Variants in TTC8 observed in about 807,000 individuals in gnomAD.
The protein encoded by TTC8 is tetratricopeptide repeat domain 8.
In TTC8, 47 loss-of-function variants were observed where a neutral mutation model predicts 72.5. That is an observed-to-expected ratio of 0.65 (90% CI 0.51 to 0.83). The LOEUF is 0.83. Ranked by LOEUF, TTC8 falls within the 40% of genes least tolerant of loss-of-function variation. The pLI is 0.00. For missense variants in TTC8, 611 were observed against 623.2 expected, an observed-to-expected ratio of 0.98 and a Z score of 0.21; for synonymous variants, 199 against 221.4, an observed-to-expected ratio of 0.90 and a Z score of 0.90.
intron 1 of TTC8, among the ~76,000 whole-genome samples, chr14:88,828,837 AAGGGATACTATTTTGGTGT>A (rs2094713565): frequency 6.6e-6 from 1 of 152,174 alleles, no homozygotes; most frequent in African/African-American, 2.4e-5. Context: ...TTTCGCCTTT[AAGGGATACTATTTTGGTGT>A]AGAATCATCA....
chr14:88,873,779 CA>C (rs2094945445), intron 13 of TTC8, among the ~76,000 whole-genome samples: 2 of 152,146 alleles, frequency 1.3e-5, no homozygotes, highest in Non-Finnish European at 2.9e-5. Flanking sequence ...ACAATGTTAG[CA>C]GCCATCAAGG....
At chr14:88,872,588 T>A in intron 13 of TTC8, 136 bp downstream of exon 13, 1 of 1,255,616 alleles carries the variant, frequency 8.0e-7, no homozygotes, top group Non-Finnish European at 1.1e-6. Context: ...ATCCCAGCTC[T>A]GTTGTGTATT....
downstream of TTC8, chr14:88,879,669 T>C (rs2094967940): frequency 6.9e-6 from 1 of 144,226 alleles, no homozygotes. Flanking sequence ...TTATTATTAT[T>C]ATTATTATTA....
At position 88,824,822 on chromosome 14, in the gene TTC8, G is replaced by C. The variant is rs1347407994; in HGVS notation, c.114+1G>C. On this transcript the variant is annotated splice_donor_variant, in intron 1 of 14. Transcript: ENST00000380656. LOFTEE classifies it high-confidence loss of function. ...GCTGGAGAAGTCCCCTTATGACCAG[G>C]TACCGGCCAGCTCCCGTCAGCCTGT... is the stretch of plus-strand genomic sequence containing the variant. The C allele has an allele frequency of 6.2e-7, 1 of 1,611,016 alleles. No individual in the cohort carries two copies. Among genetic ancestry groups the C allele is most frequent in the Non-Finnish European group, 8.5e-7 (1 of 1,178,236 alleles).
In TTC8 at chr14:88,871,547, AG is replaced by A; in HGVS notation, c.1050del. On this transcript the variant is annotated splice_acceptor_variant, in intron 11 of 14. Coordinates refer to ENST00000380656, the MANE Select transcript of TTC8 (RefSeq NM_144596.4). LOFTEE classifies it high-confidence loss of function. The surrounding 1 kb of genome is among the most constrained non-coding windows in gnomAD (Gnocchi z 4.1). ...AAAATTTGTGTGTTCTTTTTTGAAA[AG>A]GCGGCTGCTGCAGATGGGCATTTAT... The A allele has an allele frequency of 6.2e-7, 1 of 1,613,706 alleles. No individual in the cohort carries two copies. Among genetic ancestry groups the A allele is most frequent in the South Asian group, 1.1e-5 (1 of 91,072 alleles).
In TTC8 at chr14:88,848,372, A is replaced by G. The variant is rs77383737; in HGVS notation, c.624+4522A>G. Among the ~76,000 whole-genome samples the G allele has an allele frequency of 3.3e-5, 5 of 152,164 alleles. No homozygotes were observed. The East Asian group carries it at 7.7e-4, about 23-fold the overall frequency. ...AGTTAGTTGTCATACATTATAGGTG[A>G]TATTACACATGGTACCACAATTTGG... On this transcript the variant is annotated intron_variant, in intron 7 of 14. Coordinates refer to ENST00000380656, the MANE Select transcript of TTC8 (RefSeq NM_144596.4).
chr14:88,824,719 G>T lies in TTC8; in HGVS notation c.12G>T (p.Glu4Asp), dbSNP rs1331761862. ...CCGCACCGGCAGCCATGAGCTCGGA[G>T]ATGGAGCCGCTGCTCCTGGCCTGGA... MSS[E>D]MEPLLLAWSY... is the part of the protein sequence containing the mutation. The change falls in exon 1 of 15, where the codon GAG becomes GAT. Residue 4 changes from glutamate to aspartate, a missense_variant. Transcript: ENST00000380656. 6.2e-7 allele frequency: 1 copy of T among 1,608,870 alleles called. No homozygotes were observed. The highest frequency in any genetic ancestry group is 2.2e-5 in the East Asian group (1 of 44,744).
intron 10 of TTC8, among the ~76,000 whole-genome samples, chr14:88,862,559 T>G (rs1224800162): frequency 3.0e-5 from 1 of 33,762 alleles, no homozygotes; most frequent in South Asian, 1.1e-3. Context: ...TATATATATA[T>G]ATATATATAT....
At chr14:88,875,952 A>G (rs1252111259) in intron 14 of TTC8, among the ~76,000 whole-genome samples, 4 of 152,142 alleles carry the variant, frequency 2.6e-5, no homozygotes, top group Non-Finnish European at 5.9e-5. Flanking sequence ...TGTTCTATTT[A>G]TTGAGCCTTT....
At chr14:88,840,595 G>T (rs1267004377) in intron 3 of TTC8, among the ~76,000 whole-genome samples, 1 of 152,030 alleles carries the variant, frequency 6.6e-6, no homozygotes, top group African/African-American at 2.4e-5. Flanking sequence ...CCTACTAATA[G>T]GTTGACCTGT....
At chr14:88,859,348 GA>G (rs2094872768) in intron 9 of TTC8, among the ~76,000 whole-genome samples, 1 of 152,142 alleles carries the variant, frequency 6.6e-6, no homozygotes, top group African/African-American at 2.4e-5. Flanking sequence ...AAAAAAGAAT[GA>G]GAGCATGTCC....
intron 1 of TTC8, among the ~76,000 whole-genome samples, chr14:88,826,258 G>T (rs956680137): frequency 6.6e-6 from 1 of 151,692 alleles, no homozygotes; most frequent in Admixed American, 6.6e-5. Context: ...AAAGTGTTGG[G>T]ATTACAGGCA....
At chr14:88,869,599 T>G (rs901404189) in intron 10 of TTC8, among the ~76,000 whole-genome samples, 2 of 152,098 alleles carry the variant, frequency 1.3e-5, no homozygotes, top group Non-Finnish European at 2.9e-5. Flanking sequence ...TCATTTACCT[T>G]CGTGTGGTTC....
intron 10 of TTC8, among the ~76,000 whole-genome samples, chr14:88,866,026 T>C (rs894753569): frequency 2.0e-5 from 3 of 152,072 alleles, no homozygotes; most frequent in Non-Finnish European, 2.9e-5. Context: ...ATTTATACTA[T>C]TAATTACTGC....
Position 88,877,421 on chromosome 14 carries a change from G to A in TTC8, c.*11G>A, listed in dbSNP as rs753377310. On this transcript the variant is annotated 3_prime_UTR_variant, in exon 15 of 15. Transcript: ENST00000380656. Reference sequence around the variant, plus strand: ...TTTGCTATGCTCTGATTGTTCCTTAGACCACATATGTTCTTATGAAGCAGC... The same window carrying A: ...TTTGCTATGCTCTGATTGTTCCTTAAACCACATATGTTCTTATGAAGCAGC... The A allele has an allele frequency of 1.1e-5, 18 of 1,596,774 alleles. No individual in the cohort carries two copies. The highest frequency in any genetic ancestry group is 1.7e-5 in the Admixed American group (1 of 59,954).
At chr14:88,830,932 TACG>T (rs1324220746) in intron 1 of TTC8, 1 of 455,938 alleles carries the variant, frequency 2.2e-6, no homozygotes, top group Non-Finnish European at 4.4e-6. Context: ...CTCCACATCC[TACG>T]GTAGTCTGTG....
chr14:88,831,385 C>A (rs1037360492), intron 1 of TTC8, among the ~76,000 whole-genome samples: 1 of 152,148 alleles, frequency 6.6e-6, no homozygotes, highest in African/African-American at 2.4e-5. Context: ...TGCCAAGAGC[C>A]CATAGTTGCT....
At chr14:88,838,728 T>C (rs186159642) in intron 2 of TTC8, among the ~76,000 whole-genome samples, 1 of 152,354 alleles carries the variant, frequency 6.6e-6, no homozygotes, top group East Asian at 1.9e-4. Context: ...AAAGCAAAGC[T>C]GATAAAATAT....
Position 88,871,798 on chromosome 14 carries a change from T to C in TTC8, c.1224+75T>C. ...CAGACACAGTGGCTCATGCCTATAA[T>C]TCCAGCATTTTGGGAGGCTGAAGCA... is the stretch of plus-strand genomic sequence containing the variant. On this transcript the variant is annotated intron_variant, in intron 12 of 14. Transcript: ENST00000380656. This position sits in a 1 kb window ranked among gnomAD's most constrained non-coding sequence, Gnocchi z 4.1. 6.5e-7 allele frequency: 1 copy of C among 1,542,008 alleles called. No homozygotes were observed. The highest frequency in any genetic ancestry group is 8.9e-7 in the Non-Finnish European group (1 of 1,117,948).
Sources: allele counts gnomAD v4.1 joint callset (sites outside exome capture counted in the v4.1 genomes callset), GRCh38; gene constraint gnomAD v4.1.1; non-coding constraint Gnocchi (gnomAD v3.1); transcripts MANE v1.5; gene names NCBI Gene and HGNC (gene_info 2026-07-23, HGNC 2026-07-21).